Variants in CNTNAP2 observed in about 807,000 individuals in gnomAD.
CNTNAP2 encodes contactin associated protein 2, also known as contactin-associated protein-like 2.
CNTNAP2 carries 98 observed loss-of-function variants against 155.2 expected under a neutral mutation model. The ratio of observed to expected loss-of-function variants is 0.63; its 90% confidence interval spans 0.54 to 0.75. CNTNAP2 has a LOEUF of 0.75. CNTNAP2 is among the 30% of genes least tolerant of loss of function. The probability of loss-of-function intolerance (pLI) is 0.00; values close to 1 mark genes in which losing one functional copy is unlikely to be tolerated. For synonymous variants in CNTNAP2, 651 were observed against 631.2 expected (o/e 1.03, Z -0.47); for missense variants, 1,727 against 1,688.1 (o/e 1.02, Z -0.40).
At chr7:147,565,210 C>G (rs2116795909) in intron 12 of CNTNAP2, among the ~76,000 whole-genome samples, 1 of 152,152 alleles carries the variant, frequency 6.6e-6, no homozygotes, top group South Asian at 2.1e-4. Flanking sequence ...TAAATCAATC[C>G]CCCAGGGCAC....
intron 12 of CNTNAP2, among the ~76,000 whole-genome samples, chr7:147,606,426 C>T (rs1801064508): frequency 6.6e-6 from 1 of 152,198 alleles, no homozygotes; most frequent in African/African-American, 2.4e-5. Flanking sequence ...CAGAGATTTG[C>T]TAGCTTAGCA....
chr7:146,138,144 G>A lies in CNTNAP2; in HGVS notation c.97+21171G>A, dbSNP rs142952885. 5.5e-4 allele frequency among the ~76,000 whole-genome samples: 83 copies of A among 152,212 alleles called. 1 individual carries two copies. Among genetic ancestry groups the A allele is most frequent in the African/African-American group, 2.0e-3 (82 of 41,556 alleles). Reference sequence around the variant, plus strand: ...AAGCTCTAAAACTATAAAACTTTAAGTATAAATTGATGATAAATGTCACAT... The same window carrying A: ...AAGCTCTAAAACTATAAAACTTTAAATATAAATTGATGATAAATGTCACAT... On this transcript the variant is annotated intron_variant, in intron 1 of 23. Transcript: ENST00000361727.
At chr7:146,702,962 T>C (rs565317143) in intron 1 of CNTNAP2, among the ~76,000 whole-genome samples, 73 of 152,270 alleles carry the variant, frequency 4.8e-4, no homozygotes, top group Non-Finnish European at 9.3e-4. Flanking sequence ...TGATCTTATA[T>C]GCATATTGAG....
chr7:147,678,697 C>T (rs76979648), intron 13 of CNTNAP2, among the ~76,000 whole-genome samples: 4,334 of 151,936 alleles, frequency 0.029, 91 homozygotes, highest in Middle Eastern at 0.11. Context: ...TTCACAACCA[C>T]GAAAGCATAT....
At chr7:147,622,397 G>A (rs545744181) in intron 12 of CNTNAP2, among the ~76,000 whole-genome samples, 195 of 152,000 alleles carry the variant, frequency 1.3e-3, no homozygotes, top group Non-Finnish European at 2.3e-3. Flanking sequence ...CACAAAACAA[G>A]ACTTAAAACA....
At chr7:146,950,793 C>T (rs1797295996) in intron 3 of CNTNAP2, among the ~76,000 whole-genome samples, 1 of 151,988 alleles carries the variant, frequency 6.6e-6, no homozygotes, top group South Asian at 2.1e-4. Context: ...ATTTATAATC[C>T]TTTGGGCATA....
chr7:148,233,923 G>T (rs548569367), intron 20 of CNTNAP2, among the ~76,000 whole-genome samples: 1 of 152,278 alleles, frequency 6.6e-6, no homozygotes, highest in South Asian at 2.1e-4. Flanking sequence ...TTAAAAGTGT[G>T]TAGCACCTCC....
chr7:147,632,598 A>G (rs937789541), intron 12 of CNTNAP2, among the ~76,000 whole-genome samples: 4 of 152,152 alleles, frequency 2.6e-5, no homozygotes, highest in African/African-American at 4.8e-5. Flanking sequence ...TCCTTTATAA[A>G]TTACCCAGTC....
chr7:147,128,858 A>C, intron 7 of CNTNAP2, 22 bp downstream of exon 7: 1 of 1,613,790 alleles, frequency 6.2e-7, no homozygotes, highest in Non-Finnish European at 8.5e-7. Flanking sequence ...CACCCGCAAA[A>C]TATTGGTCTA....
intron 15 of CNTNAP2, among the ~76,000 whole-genome samples, chr7:148,086,897 G>GTT (rs1179435106): frequency 5.3e-5 from 8 of 152,058 alleles, no homozygotes; most frequent in Non-Finnish European, 8.8e-5. Flanking sequence ...ACAATGGTGC[G>GTT]TTACTACCAT....
chr7:146,483,312 T>A (rs866359419), intron 1 of CNTNAP2, among the ~76,000 whole-genome samples: 1,740 of 93,598 alleles, frequency 0.019, 162 homozygotes, highest in African/African-American at 0.075. Context: ...TATATATATA[T>A]ATATATATAT....
chr7:147,685,489 T>C (rs1277891194), intron 13 of CNTNAP2, among the ~76,000 whole-genome samples: 2 of 151,966 alleles, frequency 1.3e-5, no homozygotes, highest in Non-Finnish European at 1.5e-5. Flanking sequence ...AAAATATGTT[T>C]CAGATCCAAA....
intron 1 of CNTNAP2, among the ~76,000 whole-genome samples, chr7:146,325,757 TA>T (rs1801087421): frequency 6.6e-6 from 1 of 152,080 alleles, no homozygotes; most frequent in African/African-American, 2.4e-5. Flanking sequence ...TTTCCCTGCT[TA>T]AGACATTTTC....
At chr7:146,403,941 C>T (rs373055485) in intron 1 of CNTNAP2, among the ~76,000 whole-genome samples, 7 of 151,390 alleles carry the variant, frequency 4.6e-5, no homozygotes, top group African/African-American at 9.7e-5. Flanking sequence ...CCGGCTAAAA[C>T]GGCGAAACCC....
chr7:146,396,361 A>T (rs1231660948), intron 1 of CNTNAP2, among the ~76,000 whole-genome samples: 1 of 152,108 alleles, frequency 6.6e-6, no homozygotes, highest in Non-Finnish European at 1.5e-5. Context: ...AAAATAAGAT[A>T]TTAAGCAAGA....
At chr7:146,296,476 T>C (rs146333226) in intron 1 of CNTNAP2, among the ~76,000 whole-genome samples, 37 of 152,244 alleles carry the variant, frequency 2.4e-4, no homozygotes, top group African/African-American at 8.9e-4. Flanking sequence ...AACAGACATA[T>C]GGTTACAAAA....
chr7:147,770,492 G>C (rs1171214587), intron 13 of CNTNAP2, among the ~76,000 whole-genome samples: 1 of 152,112 alleles, frequency 6.6e-6, no homozygotes, highest in East Asian at 1.9e-4. Context: ...GAGTAGAATG[G>C]AACTGTTTGT....
chr7:147,628,853 A>G (rs904487853), intron 12 of CNTNAP2, among the ~76,000 whole-genome samples: 112 of 147,098 alleles, frequency 7.6e-4, no homozygotes, highest in African/African-American at 2.6e-3. Context: ...AACAGACTTT[A>G]AAGCCAACAG....
chr7:147,328,748 G>C (rs1353498779), intron 9 of CNTNAP2, among the ~76,000 whole-genome samples: 7 of 152,190 alleles, frequency 4.6e-5, no homozygotes, highest in African/African-American at 1.7e-4. Flanking sequence ...CCTTATACAT[G>C]CATATACCAT....
Sources: allele counts gnomAD v4.1 joint callset (sites outside exome capture counted in the v4.1 genomes callset), GRCh38; gene constraint gnomAD v4.1.1; transcripts MANE v1.5; gene names NCBI Gene and HGNC (gene_info 2026-07-23, HGNC 2026-07-21).